The following SLC22A4 variants were observed in gnomAD, a reference collection of about 807,000 sequenced individuals.
The protein encoded by SLC22A4 is solute carrier family 22 member 4.
A neutral mutation model predicts 56.6 loss-of-function variants in SLC22A4; 39 were observed. The observed-to-expected ratio is 0.69, with a 90% CI of 0.53 to 0.90. SLC22A4 has a LOEUF of 0.90. SLC22A4 is among the 40% of genes least tolerant of loss of function. SLC22A4 has a pLI of 0.00. For missense variants in SLC22A4, 594 were observed against 696.5 expected, an observed-to-expected ratio of 0.85 and a Z score of 1.66; for synonymous variants, 241 against 281.4, an observed-to-expected ratio of 0.86 and a Z score of 1.44.
rs112170735 is a variant in SLC22A4 at position 132,297,674 on chromosome 5, GAAAA to G, written c.393+2672_393+2675del. ...CCCTTAAAAATAGTTACTACAAAAA[GAAAA>G]AAAAAACACCCAGAAATCCACTTTG... On this transcript the variant is annotated intron_variant, in intron 1 of 9. Transcript: ENST00000200652. Among the ~76,000 whole-genome samples, 616 of 146,388 alleles carry G rather than the reference GAAAA, an allele frequency of 4.2e-3. 1 individual carries two copies. Among genetic ancestry groups the G allele is most frequent in the Non-Finnish European group, 7.2e-3 (478 of 66,612 alleles).
At position 132,340,679 on chromosome 5, in the gene SLC22A4, A is replaced by G; in HGVS notation, c.1559A>G (p.Glu520Gly). 6.2e-7 allele frequency: 1 copy of G among 1,614,132 alleles called. No individual in the cohort carries two copies. Among genetic ancestry groups the G allele is most frequent in the South Asian group, 1.1e-5 (1 of 91,082 alleles). The change falls in exon 9 of 10, where the codon GAG becomes GGG. Residue 520 changes from glutamate (E) to glycine (G), a missense_variant. Glu to Gly is a moderately conservative substitution (Grantham distance 98). Transcript: ENST00000200652. ...SLGMTLPETL[E>G]QMQKVKWFRS... ...GGAATGACTCTTCCAGAAACCTTAGAGCAGATGCAGAAAGTGAAATGGTAA... is the reference window on the plus strand; with the variant it reads ...GGAATGACTCTTCCAGAAACCTTAGGGCAGATGCAGAAAGTGAAATGGTAA...
chr5:132,297,673 AG>A lies in SLC22A4; in HGVS notation c.393+2665del, dbSNP rs753086341. On this transcript the variant is annotated intron_variant, in intron 1 of 9. Coordinates refer to ENST00000200652, the MANE Select transcript of SLC22A4 (RefSeq NM_003059.3). Reference sequence around the variant, plus strand: ...ACCCTTAAAAATAGTTACTACAAAAAGAAAAAAAAAACACCCAGAAATCCAC... The same window carrying A: ...ACCCTTAAAAATAGTTACTACAAAAAAAAAAAAAAACACCCAGAAATCCAC... Among the ~76,000 whole-genome samples the A allele has an allele frequency of 4.7e-3, 715 of 151,866 alleles. 7 individuals carry two copies. The highest frequency in any genetic ancestry group is 0.019 in the East Asian group (99 of 5,180).
At chr5:132,340,507 A>G in intron 8 of SLC22A4, 58 bp from the exon 9 acceptor site, 2 of 1,546,038 alleles carry the variant, frequency 1.3e-6, no homozygotes, top group Non-Finnish European at 1.8e-6. Flanking sequence ...AATGATGCTC[A>G]AGAGTGCCCA....
intron 4 of SLC22A4, 98 bp downstream of exon 4, chr5:132,322,453 C>A: frequency 7.9e-7 from 1 of 1,268,006 alleles, no homozygotes; most frequent in South Asian, 1.2e-5. Flanking sequence ...GCTTGCATGA[C>A]CTCCACGGAA....
intron 3 of SLC22A4, among the ~76,000 whole-genome samples, chr5:132,320,713 G>A (rs1750506171): frequency 6.6e-6 from 1 of 152,176 alleles, no homozygotes; most frequent in African/African-American, 2.4e-5. Flanking sequence ...GTGGTAAAAT[G>A]AGAAACCAGC....
At chr5:132,302,333 G>A (rs1167311576) in intron 1 of SLC22A4, among the ~76,000 whole-genome samples, 2 of 152,226 alleles carry the variant, frequency 1.3e-5, no homozygotes, top group African/African-American at 4.8e-5. Context: ...CTGGTCAGGG[G>A]GAGCTGCAGG....
At chr5:132,319,301 CAAA>C (rs55756450) in intron 3 of SLC22A4, among the ~76,000 whole-genome samples, 8 of 85,510 alleles carry the variant, frequency 9.4e-5, no homozygotes, top group Admixed American at 1.2e-4. Context: ...AAGTCTGTCT[CAAA>C]AAAAAAAAAA....
chr5:132,324,541 C>A (rs995166976), intron 4 of SLC22A4: 3 of 471,086 alleles, frequency 6.4e-6, no homozygotes, highest in African/African-American at 2.0e-5. Context: ...CAGCCTGGGA[C>A]CAGCACTGAC....
chr5:132,311,108 CCA>C (rs1362046159), intron 1 of SLC22A4, among the ~76,000 whole-genome samples: 1 of 152,314 alleles, frequency 6.6e-6, no homozygotes, highest in East Asian at 1.9e-4. Context: ...CTTAAATCCA[CCA>C]CACTTTCAAG....
chr5:132,305,717 A>G (rs969546522), intron 1 of SLC22A4, among the ~76,000 whole-genome samples: 2 of 152,260 alleles, frequency 1.3e-5, no homozygotes, highest in African/African-American at 2.4e-5. Context: ...TTCAAAACTG[A>G]GATAAAGAAA....
chr5:132,312,876 A>G (rs1019039916), intron 2 of SLC22A4, among the ~76,000 whole-genome samples: 2 of 152,194 alleles, frequency 1.3e-5, no homozygotes, highest in African/African-American at 4.8e-5. Flanking sequence ...TGCTGGGGAA[A>G]GCCTCCCAGC....
intron 1 of SLC22A4, among the ~76,000 whole-genome samples, chr5:132,303,582 T>C (rs1749955470): frequency 6.6e-6 from 1 of 151,336 alleles, no homozygotes; most frequent in African/African-American, 2.4e-5. Context: ...CCCATCCCTG[T>C]ATTCTCTTAG....
chr5:132,332,043 A>C, intron 6 of SLC22A4, 193 bp downstream of exon 6: 1 of 581,238 alleles, frequency 1.7e-6, no homozygotes, highest in Non-Finnish European at 3.1e-6. Context: ...ACTGGGCGCA[A>C]TGGCTTACGC....
In SLC22A4 at chr5:132,340,489, C is replaced by T. The variant is rs559585429; in HGVS notation, c.1445-76C>T. On this transcript the variant is annotated intron_variant, in intron 8 of 9. Coordinates refer to ENST00000200652, the MANE Select transcript of SLC22A4 (RefSeq NM_003059.3). ...TCCATTCTCTTATACTGTTCACCAA[C>T]TTCACAAAATGATGCTCAAGAGTGC... The T allele has an allele frequency of 5.6e-5, 78 of 1,392,898 alleles. 1 individual carries two copies. In the South Asian group the frequency reaches 8.9e-4, roughly 16 times the overall value. The allele number at this position is 1,392,898 out of a possible 1,614,324, so 86.3% of individuals were successfully genotyped here. A position where few individuals can be genotyped will look rare whatever the true frequency, so the allele number is the denominator to read the frequency against.
At chr5:132,316,033 T>G (rs796297090) in intron 3 of SLC22A4, among the ~76,000 whole-genome samples, 1 of 152,152 alleles carries the variant, frequency 6.6e-6, no homozygotes, top group Non-Finnish European at 1.5e-5. Flanking sequence ...TGGGATAAAA[T>G]AGCTGAATTC....
At chr5:132,295,527 C>T in intron 1 of SLC22A4, 1 of 344,254 alleles carries the variant, frequency 2.9e-6, no homozygotes. Context: ...TCTAAGACAG[C>T]AGATGGCCTC....
Position 132,294,949 on chromosome 5 carries a change from G to A in SLC22A4, c.333G>A (p.Glu111=), listed in dbSNP as rs1025471642. 8.7e-6 allele frequency: 14 copies of A among 1,604,966 alleles called. No homozygotes were observed. In the African/African-American group the frequency reaches 1.9e-4, roughly 21 times the overall value. Residue 111 remains glutamate, a synonymous_variant, in exon 1 of 10, where the codon GAG becomes GAA. Coordinates refer to ENST00000200652, the MANE Select transcript of SLC22A4 (RefSeq NM_003059.3). This position sits in a 1 kb window ranked among gnomAD's most constrained non-coding sequence, Gnocchi z 5.6. The part of the protein sequence containing the change: ...RDVDLGQLEQ[E]SCLDGWEFSQ... ...TGGACCTGGGGCAGCTGGAGCAGGA[G>A]AGCTGCCTGGATGGCTGGGAGTTCA... is the stretch of plus-strand genomic sequence containing the variant.
At chr5:132,314,595 AT>A (rs949465920) in intron 3 of SLC22A4, among the ~76,000 whole-genome samples, 21 of 152,158 alleles carry the variant, frequency 1.4e-4, no homozygotes, top group Non-Finnish European at 3.1e-4. Flanking sequence ...TACCATCCCA[AT>A]TTGTCCCTAT....
chr5:132,295,518 C>A, intron 1 of SLC22A4: 1 of 348,656 alleles, frequency 2.9e-6, no homozygotes, highest in Admixed American at 3.9e-5. Flanking sequence ...CCCAGTTTCT[C>A]TAAGACAGCA....
Sources: allele counts gnomAD v4.1 joint callset (sites outside exome capture counted in the v4.1 genomes callset), GRCh38; gene constraint gnomAD v4.1.1; non-coding constraint Gnocchi (gnomAD v3.1); transcripts MANE v1.5; gene names NCBI Gene and HGNC (gene_info 2026-07-23, HGNC 2026-07-21).